Variants in STRN observed in about 807,000 individuals in gnomAD.
The protein encoded by STRN is striatin, also known as protein phosphatase 2 regulatory subunit B'''alpha.
In STRN, 53 loss-of-function variants were observed where a neutral mutation model predicts 96.3. That is an observed-to-expected ratio of 0.55 (90% CI 0.44 to 0.69). The LOEUF (loss-of-function observed/expected upper bound fraction) is 0.69. STRN is among the 30% of genes least tolerant of loss of function. The pLI is 0.00. For synonymous variants in STRN, 428 were observed against 355.9 expected (o/e 1.20, Z -2.28); for missense variants, 987 against 963.9 (o/e 1.02, Z -0.32).
intron 8 of STRN, among the ~76,000 whole-genome samples, chr2:36,885,799 A>G (rs924546832): frequency 1.3e-5 from 2 of 152,156 alleles, no homozygotes; most frequent in Non-Finnish European, 2.9e-5. Flanking sequence ...CAACTTTAAA[A>G]TACATTTCTC....
Position 36,957,273 on chromosome 2 carries a change from A to G in STRN, c.234+8957T>C, listed in dbSNP as rs531119906. Among the ~76,000 whole-genome samples the G allele has an allele frequency of 8.5e-5, 13 of 152,292 alleles. No homozygotes were observed. The East Asian group carries it at 2.3e-3, about 27-fold the overall frequency. On this transcript the variant is annotated intron_variant, in intron 1 of 17. Coordinates refer to ENST00000263918, the MANE Select transcript of STRN (RefSeq NM_003162.4). ...TTCACATCAGCTGGGTGGCCCAAAC[A>G]TCTTAAGTAATGCATTTACTTTAAA...
rs184376725 is a variant in STRN at position 36,906,209 on chromosome 2, A to G, written c.413-591T>C. Reference sequence around the variant, plus strand: ...CTGGGCATGGTGGCTCACGCCTATAATCCCAGCAATTTGGGAGGCCAAGGC... The same window carrying G: ...CTGGGCATGGTGGCTCACGCCTATAGTCCCAGCAATTTGGGAGGCCAAGGC... On this transcript the variant is annotated intron_variant, in intron 3 of 17. Transcript: ENST00000263918. Among the ~76,000 whole-genome samples the G allele has an allele frequency of 2.2e-3, 340 of 152,304 alleles. 1 individual carries two copies. Among genetic ancestry groups the G allele is most frequent in the Non-Finnish European group, 3.3e-3 (227 of 68,022 alleles).
chr2:36,936,459 T>A (rs1225407894), intron 1 of STRN, among the ~76,000 whole-genome samples: 4 of 152,198 alleles, frequency 2.6e-5, no homozygotes, highest in Non-Finnish European at 5.9e-5. Context: ...TTATATTCTG[T>A]GAAGTATTAA....
At chr2:36,878,805 T>A (rs1017381204) in intron 9 of STRN, among the ~76,000 whole-genome samples, 3 of 152,096 alleles carry the variant, frequency 2.0e-5, no homozygotes, top group Non-Finnish European at 4.4e-5. Context: ...CAGGCTGGAG[T>A]GCAGTGGTGA....
chr2:36,864,680 G>C (rs1034227691), intron 12 of STRN, among the ~76,000 whole-genome samples: 1 of 152,104 alleles, frequency 6.6e-6, no homozygotes, highest in African/African-American at 2.4e-5. Context: ...GAATGAGTTA[G>C]GGAAAAGTCC....
At position 36,902,759 on chromosome 2, in the gene STRN, A is replaced by C; in HGVS notation, c.492-8T>G. On this transcript the variant is annotated splice_polypyrimidine_tract_variant and splice_region_variant and intron_variant, in intron 4 of 17. Transcript: ENST00000263918. ...CCCACCTCCTGTAGATACCTGTGTG[A>C]AGAGAATCCTTAGAGTTCAGTCATA... is the stretch of plus-strand genomic sequence containing the variant. 1 of 1,590,934 alleles carries C rather than the reference A, an allele frequency of 6.3e-7. No individual in the cohort carries two copies. The highest frequency in any genetic ancestry group is 8.6e-7 in the Non-Finnish European group (1 of 1,167,476).
chr2:36,898,572 T>A (rs1400009764), intron 6 of STRN, among the ~76,000 whole-genome samples: 1 of 152,244 alleles, frequency 6.6e-6, no homozygotes, highest in Non-Finnish European at 1.5e-5. Context: ...CAGATCATTT[T>A]CGCACATAGT....
chr2:36,863,093 T>A (rs972812900), intron 12 of STRN, among the ~76,000 whole-genome samples: 2 of 152,166 alleles, frequency 1.3e-5, no homozygotes, highest in African/African-American at 4.8e-5. Context: ...AGATTCATAG[T>A]TTGCAAATAT....
intron 7 of STRN, among the ~76,000 whole-genome samples, chr2:36,890,477 CTTTTTT>C (rs1163881782): frequency 3.8e-5 from 4 of 104,644 alleles, no homozygotes; most frequent in African/African-American, 8.0e-5. Flanking sequence ...CACCAGAAAA[CTTTTTT>C]TTTTTTTTTT....
chr2:36,952,299 G>C (rs901537676), intron 1 of STRN, among the ~76,000 whole-genome samples: 2 of 152,104 alleles, frequency 1.3e-5, no homozygotes, highest in African/African-American at 4.8e-5. Flanking sequence ...TGTAATACAA[G>C]CTGTTAGGGA....
intron 1 of STRN, among the ~76,000 whole-genome samples, chr2:36,935,037 C>T (rs1459447558): frequency 2.0e-5 from 3 of 152,146 alleles, no homozygotes; most frequent in Admixed American, 1.3e-4. Context: ...GAGACTACAC[C>T]ACTGTGCTCT....
At chr2:36,859,589 G>A (rs1199278454) in intron 13 of STRN, among the ~76,000 whole-genome samples, 1 of 152,188 alleles carries the variant, frequency 6.6e-6, no homozygotes, top group African/African-American at 2.4e-5. Flanking sequence ...GCTTAAAGAT[G>A]TATGAGTCAA....
At position 36,902,694 on chromosome 2, in the gene STRN, C is replaced by T. The variant is rs1669718899; in HGVS notation, c.549G>A (p.Val183=). The stretch of plus-strand genomic sequence containing the variant: ...CACTTGAAAAGCCCAACAAAGCTCG[C>T]ACTCGTTTAGATTTCACATCTAGAA... The part of the protein sequence containing the change: ...DTILDVKSKR[V]RALLGFSSDV... The change falls in exon 5 of 18, where the codon GTG becomes GTA. Residue 183 remains valine (V), a synonymous_variant. Transcript: ENST00000263918. The T allele has an allele frequency of 2.5e-6, 4 of 1,611,126 alleles. No individual in the cohort carries two copies. The highest frequency in any genetic ancestry group is 1.3e-5 in the African/African-American group (1 of 74,888).
chr2:36,946,130 T>C (rs980490804), intron 1 of STRN, among the ~76,000 whole-genome samples: 2 of 151,808 alleles, frequency 1.3e-5, no homozygotes, highest in Admixed American at 6.6e-5. Context: ...CCGGAAATAT[T>C]TCCAGTTGAT....
At position 36,860,628 on chromosome 2, in the gene STRN, G is replaced by A. The variant is rs974570224; in HGVS notation, c.1669+504C>T. On this transcript the variant is annotated intron_variant, in intron 13 of 17. Coordinates refer to ENST00000263918, the MANE Select transcript of STRN (RefSeq NM_003162.4). Reference sequence around the variant, plus strand: ...ATTGATAGATTATAATATGATTTATGATGTATGGTATTGTTCCCAAAACTA... The same window carrying A: ...ATTGATAGATTATAATATGATTTATAATGTATGGTATTGTTCCCAAAACTA... 2.0e-5 allele frequency among the ~76,000 whole-genome samples: 3 copies of A among 152,166 alleles called. No homozygotes were observed. In the East Asian group the frequency reaches 5.8e-4, roughly 29 times the overall value.
In STRN at chr2:36,855,366, T is replaced by C; in HGVS notation, c.1838-14A>G. The stretch of plus-strand genomic sequence containing the variant: ...GGATTCCCAGTTCTGAAAGAGAACA[T>C]ATTGAAATAGAATGGCAATTAAACC... On this transcript the variant is annotated splice_polypyrimidine_tract_variant and intron_variant, in intron 14 of 17. Transcript: ENST00000263918. 2 of 1,610,260 alleles carry C rather than the reference T, an allele frequency of 1.2e-6. No homozygotes were observed. Among genetic ancestry groups the C allele is most frequent in the Non-Finnish European group, 1.7e-6 (2 of 1,178,776 alleles).
intron 16 of STRN, among the ~76,000 whole-genome samples, chr2:36,850,503 G>A (rs139714916): frequency 1.6e-4 from 24 of 152,182 alleles, no homozygotes; most frequent in African/African-American, 5.3e-4. Flanking sequence ...TTAGTCTATG[G>A]AAAAACGAAT....
intron 10 of STRN, among the ~76,000 whole-genome samples, chr2:36,875,470 C>A (rs1446276918): frequency 7.9e-6 from 1 of 127,216 alleles, no homozygotes; most frequent in Non-Finnish European, 1.6e-5. Context: ...CACACTACTG[C>A]ATTCCATCCT....
chr2:36,920,172 T>C (rs1000390724), intron 2 of STRN, among the ~76,000 whole-genome samples: 5 of 152,330 alleles, frequency 3.3e-5, no homozygotes, highest in South Asian at 2.1e-4. Context: ...TGGGGCTGTA[T>C]ATAAAAGACA....
Sources: allele counts gnomAD v4.1 joint callset (sites outside exome capture counted in the v4.1 genomes callset), GRCh38; gene constraint gnomAD v4.1.1; transcripts MANE v1.5; gene names NCBI Gene and HGNC (gene_info 2026-07-23, HGNC 2026-07-21).